PACRGL: variants seen among roughly 807,000 people sequenced by gnomAD.
The protein encoded by PACRGL is PACRG-like protein.
A neutral mutation model predicts 34.5 loss-of-function variants in PACRGL; 38 were observed. The ratio of observed to expected loss-of-function variants is 1.10; its 90% confidence interval spans 0.85 to 1.44. The LOEUF (loss-of-function observed/expected upper bound fraction) is 1.44. Ranked by LOEUF, PACRGL falls within the 40% of genes most tolerant of loss-of-function variation. The probability of loss-of-function intolerance (pLI) is 0.00; values close to 1 mark genes in which losing one functional copy is unlikely to be tolerated. For synonymous variants in PACRGL, 128 were observed against 100.1 expected (o/e 1.28, Z -1.66); for missense variants, 305 against 281.4 (o/e 1.08, Z -0.60).
chr4:20,701,368 T>TG (rs1732111322), intron 1 of PACRGL: 2 of 155,032 alleles, frequency 1.3e-5, no homozygotes, highest in African/African-American at 2.4e-5. Flanking sequence ...TAGGGTGGTT[T>TG]GTTTGCTTTC....
rs544782754 is a variant in PACRGL at position 20,732,537 on chromosome 4, T to C, written c.*5196T>C. ...CATTGTAAATTCAAAACCAAAGCTA[T>C]TAAATTAATAGGATGCTAAATACTG... On this transcript the variant is annotated 3_prime_UTR_variant, in exon 9 of 9. Coordinates refer to ENST00000503585, the MANE Select transcript of PACRGL (RefSeq NM_001258345.3). The C allele has an allele frequency of 1.1e-5, 7 of 660,718 alleles. No homozygotes were observed. In the East Asian group the frequency reaches 1.9e-4, roughly 18 times the overall value. The allele number at this position is 660,718 out of a possible 1,614,324, so 40.9% of individuals were successfully genotyped here. A position where few individuals can be genotyped will look rare whatever the true frequency, so the allele number is the denominator to read the frequency against.
chr4:20,703,327 A>G (rs1323242193), intron 1 of PACRGL, among the ~76,000 whole-genome samples: 1 of 152,158 alleles, frequency 6.6e-6, no homozygotes, highest in Admixed American at 6.5e-5. Context: ...CGTGGAAGTG[A>G]GGGAACAGAG....
rs148233356 is a variant in PACRGL at position 20,708,113 on chromosome 4, G to C, written c.275+243G>C. 3.2e-3 allele frequency among the ~76,000 whole-genome samples: 486 copies of C among 152,184 alleles called. 1 individual carries two copies. The highest frequency in any genetic ancestry group is 0.017 in the Middle Eastern group (5 of 294). ...AACCATCAGTTTAAGAACTTTACTTGAACCCTTTTTCTAAAATAATCAATT... is the reference window on the plus strand; with the variant it reads ...AACCATCAGTTTAAGAACTTTACTTCAACCCTTTTTCTAAAATAATCAATT... On this transcript the variant is annotated intron_variant, in intron 4 of 8. Coordinates refer to ENST00000503585, the MANE Select transcript of PACRGL (RefSeq NM_001258345.3).
rs906223400 is a variant in PACRGL, at chr4:20,731,947, A to G, written c.*4606A>G. ...CCCAGTTCATGGTAGCTAGCTGCTA[A>G]TACTCAGTTTAGCTGTTATGATAGC... On this transcript the variant is annotated 3_prime_UTR_variant, in exon 9 of 9. Transcript: ENST00000503585. 7.7e-5 allele frequency: 123 copies of G among 1,603,940 alleles called. No homozygotes were observed. The highest frequency in any genetic ancestry group is 9.0e-5 in the Non-Finnish European group (106 of 1,175,768).
At chr4:20,709,890 A>G (rs1181447329) in intron 5 of PACRGL, 117 bp downstream of exon 5, 17 of 751,662 alleles carry the variant, frequency 2.3e-5, no homozygotes, top group Non-Finnish European at 3.8e-5. Context: ...CGAAGCACAC[A>G]ATAGGCATTG....
chr4:20,703,511 T>TGTGTGTGTGTG (rs59363888), intron 1 of PACRGL, among the ~76,000 whole-genome samples: 1 of 95,556 alleles, frequency 1.0e-5, no homozygotes, highest in African/African-American at 3.4e-5. Flanking sequence ...TGTGTGTGTG[T>TGTGTGTGTGTG]TTGTGTGTGT....
chr4:20,739,829 G>T (rs149887712), intron 8 of PACRGL, among the ~76,000 whole-genome samples: 207 of 152,240 alleles, frequency 1.4e-3, no homozygotes, highest in African/African-American at 4.5e-3. Context: ...CCATCACAAA[G>T]AAGCTAAAAA....
chr4:20,719,784 T>G (rs1169657503), intron 7 of PACRGL, among the ~76,000 whole-genome samples: 1 of 151,864 alleles, frequency 6.6e-6, no homozygotes, highest in Non-Finnish European at 1.5e-5. Flanking sequence ...TGTGATGTGG[T>G]GCTGAGAAGA....
intron 8 of PACRGL, among the ~76,000 whole-genome samples, chr4:20,742,035 T>A (rs886694654): frequency 3.3e-5 from 5 of 152,254 alleles, no homozygotes; most frequent in African/African-American, 1.2e-4. Context: ...GTTGAATCCC[T>A]GAATAGACCA....
At chr4:20,721,033 C>CT (rs1742842734) in intron 7 of PACRGL, among the ~76,000 whole-genome samples, 1 of 152,130 alleles carries the variant, frequency 6.6e-6, no homozygotes, top group Non-Finnish European at 1.5e-5. Context: ...TCTTTTTACT[C>CT]TTTTTTCTCT....
chr4:20,766,291 A>C, the PACRGL span, among the ~76,000 whole-genome samples: 1 of 152,224 alleles, frequency 6.6e-6, no homozygotes. Flanking sequence ...TTTAGAGGCC[A>C]GGCACGGTGG....
Position 20,743,570 on chromosome 4 carries a change from T to G in PACRGL, c.*57-8995T>G, listed in dbSNP as rs368858231. Among the ~76,000 whole-genome samples the G allele has an allele frequency of 2.6e-3, 401 of 152,230 alleles. 8 individuals carry two copies. The South Asian group carries it at 0.046, about 18-fold the overall frequency. Reference sequence around the variant, plus strand: ...GCTGGGAAAACTGGCTAGCCATATGTAGAAAGCTGAAACTGGATCCCTTCC... The same window carrying G: ...GCTGGGAAAACTGGCTAGCCATATGGAGAAAGCTGAAACTGGATCCCTTCC... On this transcript the variant is annotated intron_variant, in intron 8 of 8. Transcript: ENST00000507634.
downstream of PACRGL, among the ~76,000 whole-genome samples, chr4:20,737,248 G>A (rs1749834021): frequency 6.6e-6 from 1 of 152,106 alleles, no homozygotes; most frequent in Non-Finnish European, 1.5e-5. Context: ...TGCTAAAGAA[G>A]TGAGTCAGGA....
downstream of PACRGL, among the ~76,000 whole-genome samples, chr4:20,733,068 A>C (rs1560407348): frequency 6.6e-6 from 1 of 152,204 alleles, no homozygotes; most frequent in Non-Finnish European, 1.5e-5. Context: ...ATGCTGGCTT[A>C]ATGTTTGGAT....
chr4:20,738,776 G>A (rs767409266), intron 8 of PACRGL, among the ~76,000 whole-genome samples: 34 of 152,244 alleles, frequency 2.2e-4, no homozygotes, highest in African/African-American at 3.9e-4. Flanking sequence ...AGTGTGAGCC[G>A]AAGCAGGGTG....
chr4:20,712,673 T>G lies in PACRGL; in HGVS notation c.367-115T>G, dbSNP rs191307556. The G allele has an allele frequency of 2.6e-5, 25 of 953,752 alleles. No individual in the cohort carries two copies. The Admixed American group carries it at 3.4e-4, about 13-fold the overall frequency. 59.1% of individuals were successfully genotyped at this position (953,752 alleles called of 1,614,324 possible). ...TAACTACTGAAATTATAATCATGATTAGGAAAACAATAATGAAATTTTTGA... is the reference window on the plus strand; with the variant it reads ...TAACTACTGAAATTATAATCATGATGAGGAAAACAATAATGAAATTTTTGA... On this transcript the variant is annotated intron_variant, in intron 5 of 8. Transcript: ENST00000503585.
At position 20,729,941 on chromosome 4, in the gene PACRGL, G is replaced by T; in HGVS notation, c.*2600G>T. 1 of 961,084 alleles carries T rather than the reference G, an allele frequency of 1.0e-6. No homozygotes were observed. Among genetic ancestry groups the T allele is most frequent in the Non-Finnish European group, 1.4e-6 (1 of 693,090 alleles). The allele number at this position is 961,084 out of a possible 1,614,324, so 59.5% of individuals were successfully genotyped here. A position where few individuals can be genotyped will look rare whatever the true frequency, so the allele number is the denominator to read the frequency against. ...TGAAAGCTCAAATCTTTTGGGGATTGCTTTATATTAAAACAAAGCTTGTTT... is the reference window on the plus strand; with the variant it reads ...TGAAAGCTCAAATCTTTTGGGGATTTCTTTATATTAAAACAAAGCTTGTTT... On this transcript the variant is annotated 3_prime_UTR_variant, in exon 9 of 9. Transcript: ENST00000503585.
intron 7 of PACRGL, among the ~76,000 whole-genome samples, chr4:20,721,173 C>T (rs1742940543): frequency 6.6e-6 from 1 of 152,132 alleles, no homozygotes; most frequent in Non-Finnish European, 1.5e-5. Flanking sequence ...TGTTCAGCTC[C>T]ATCAGGTCAT....
At chr4:20,745,111 C>A (rs2149320758) in intron 8 of PACRGL, among the ~76,000 whole-genome samples, 1 of 152,262 alleles carries the variant, frequency 6.6e-6, no homozygotes, top group East Asian at 1.9e-4. Flanking sequence ...ATCATGGAGC[C>A]AAGGAGCTTT....
Sources: allele counts gnomAD v4.1 joint callset (sites outside exome capture counted in the v4.1 genomes callset), GRCh38; gene constraint gnomAD v4.1.1; transcripts MANE v1.5; gene names NCBI Gene and HGNC (gene_info 2026-07-23, HGNC 2026-07-21).